Variants in KIFBP observed in about 807,000 individuals in gnomAD.
KIFBP encodes the protein kinesin family binding protein, also known as KIF-binding protein.
In KIFBP, 46 loss-of-function variants were observed where a neutral mutation model predicts 58.9. The observed-to-expected ratio is 0.78, with a 90% CI of 0.62 to 1.00. The LOEUF (loss-of-function observed/expected upper bound fraction) is 1.00. KIFBP is among the 50% of genes least tolerant of loss of function. The probability of loss-of-function intolerance (pLI) is 0.00; values close to 1 mark genes in which losing one functional copy is unlikely to be tolerated. For missense variants in KIFBP, 651 were observed against 752.9 expected (o/e 0.86, Z 1.58); for synonymous variants, 241 against 283.4 (o/e 0.85, Z 1.50).
rs1796362764 is a variant in KIFBP at position 68,990,298 on chromosome 10, AGTG to A, written c.426+1042_426+1044del. On this transcript the variant is annotated intron_variant, in intron 1 of 6. Transcript: ENST00000361983. ...TAATCCCAGCATTTTGGGAGGCCGAAGTGGGAGGATGGCGTGAGGTCAGTAGTT... is the reference window on the plus strand; with the variant it reads ...TAATCCCAGCATTTTGGGAGGCCGAAGGAGGATGGCGTGAGGTCAGTAGTT... Among the ~76,000 whole-genome samples, 3 of 152,166 alleles carry A rather than the reference AGTG, an allele frequency of 2.0e-5. No homozygotes were observed. The South Asian group carries it at 6.3e-4, about 32-fold the overall frequency.
intron 6 of KIFBP, 62 bp downstream of exon 6, chr10:69,011,077 T>C: frequency 9.0e-7 from 1 of 1,105,776 alleles, no homozygotes; most frequent in Admixed American, 1.7e-5. Context: ...TAAAAACTCA[T>C]AGTGGGGATT....
chr10:68,990,183 C>A (rs1254201791), intron 1 of KIFBP, among the ~76,000 whole-genome samples: 1 of 152,114 alleles, frequency 6.6e-6, no homozygotes, highest in African/African-American at 2.4e-5. Flanking sequence ...TCCCTCCTAC[C>A]TTTGAATTCT....
rs34786287 is a variant in KIFBP, at chr10:69,011,683, C to CTTTT, written c.990+694_990+697dup. 8.5e-4 allele frequency among the ~76,000 whole-genome samples: 36 copies of CTTTT among 42,532 alleles called. 4 individuals carry two copies. Among genetic ancestry groups the CTTTT allele is most frequent in the African/African-American group, 3.5e-3 (35 of 9,912 alleles). 27.9% of individuals were successfully genotyped at this position (42,532 alleles called of 152,430 possible). A position where few individuals can be genotyped will look rare whatever the true frequency, so the allele number is the denominator to read the frequency against. Reference sequence around the variant, plus strand: ...ACAGGTGTGAGCCACTGTGCCTAATCTTTTTTTTTTTTTTTTTTTTTTTTT... The same window carrying CTTTT: ...ACAGGTGTGAGCCACTGTGCCTAATCTTTTTTTTTTTTTTTTTTTTTTTTTTTTT... On this transcript the variant is annotated intron_variant, in intron 6 of 6. Coordinates refer to ENST00000361983, the MANE Select transcript of KIFBP (RefSeq NM_015634.4).
Position 68,993,923 on chromosome 10 carries a change from A to G in KIFBP, c.426+4665A>G, listed in dbSNP as rs566159144. Among the ~76,000 whole-genome samples the G allele has an allele frequency of 1.2e-4, 19 of 152,338 alleles. No individual in the cohort carries two copies. In the South Asian group the frequency reaches 2.7e-3, roughly 22 times the overall value. On this transcript the variant is annotated intron_variant, in intron 1 of 6. Transcript: ENST00000361983. ...TTTCTCAGTGAAAAGATTGGGAACT[A>G]TTCTATTTGGTGCTTTGTGAAAATA...
intron 1 of KIFBP, chr10:68,991,415 T>C: frequency 5.7e-6 from 2 of 349,624 alleles, no homozygotes; most frequent in South Asian, 2.8e-5. Flanking sequence ...GAATATTTCT[T>C]TCCTACAAAA....
rs769584821 is a variant in KIFBP at position 69,015,820 on chromosome 10, C to G, written c.1270C>G (p.Gln424Glu). 6.2e-6 allele frequency: 10 copies of G among 1,614,090 alleles called. No individual in the cohort carries two copies. The highest frequency in any genetic ancestry group is 6.8e-6 in the Non-Finnish European group (8 of 1,180,024). ...GYVTDHIEVV[Q>E]DHSALFKVLA... is the part of the protein sequence containing the mutation. ...TGTCACTGACCATATTGAAGTTGTC[C>G]AAGACCACAGTGCTCTGTTTAAGGT... The change falls in exon 7 of 7, where the codon CAA becomes GAA. Residue 424 changes from glutamine to glutamate, a missense_variant. Physicochemically the swap from Gln to Glu is conservative, Grantham distance 29. Coordinates refer to ENST00000361983, the MANE Select transcript of KIFBP (RefSeq NM_015634.4).
intron 2 of KIFBP, among the ~76,000 whole-genome samples, chr10:69,000,985 T>C (rs1843459737): frequency 6.6e-6 from 1 of 152,148 alleles, no homozygotes; most frequent in Non-Finnish European, 1.5e-5. Flanking sequence ...CAGGCTCTGA[T>C]TTAGTAGTTC....
chr10:68,989,273 GGCCAGGCCGGCCCCT>G lies in KIFBP; in HGVS notation c.426+17_426+31del, dbSNP rs2132104691. 6.2e-7 allele frequency: 1 copy of G among 1,611,048 alleles called. No individual in the cohort carries two copies. The highest frequency in any genetic ancestry group is 1.3e-5 in the African/African-American group (1 of 75,058). On this transcript the variant is annotated intron_variant, in intron 1 of 6. Coordinates refer to ENST00000361983, the MANE Select transcript of KIFBP (RefSeq NM_015634.4). The stretch of plus-strand genomic sequence containing the variant: ...TCCAGGCGCAGGTGAGAGCGAGCCC[GGCCAGGCCGGCCCCT>G]GTTGGCAAATGGCGAGGGATGGGGA...
chr10:69,009,253 A>T (rs1307488400), intron 5 of KIFBP, among the ~76,000 whole-genome samples: 3 of 152,172 alleles, frequency 2.0e-5, no homozygotes, highest in African/African-American at 7.2e-5. Flanking sequence ...CTGTAATGCT[A>T]GATTTTGGGA....
At chr10:68,996,169 AT>A (rs545553990) in intron 1 of KIFBP, among the ~76,000 whole-genome samples, 113 of 148,104 alleles carry the variant, frequency 7.6e-4, no homozygotes, top group African/African-American at 2.7e-3. Context: ...AAAAAAAAAA[AT>A]GGTAATAATA....
chr10:69,008,391 A>AAAATAT, intron 4 of KIFBP, among the ~76,000 whole-genome samples: 109 of 71,596 alleles, frequency 1.5e-3, no homozygotes, highest in Middle Eastern at 0.01. Flanking sequence ...AAAAAAAAAA[A>AAAATAT]ATATATATAT....
Position 69,008,824 on chromosome 10 carries a change from G to C in KIFBP, c.790-17G>C. The C allele has an allele frequency of 6.3e-7, 1 of 1,596,942 alleles. No individual in the cohort carries two copies. The highest frequency in any genetic ancestry group is 8.6e-7 in the Non-Finnish European group (1 of 1,164,604). ...CTGTGTGATAGTTGCATTCACTGTT[G>C]TTTATTTCCCCAATAGCTATGCTTT... On this transcript the variant is annotated splice_polypyrimidine_tract_variant and intron_variant, in intron 4 of 6. Coordinates refer to ENST00000361983, the MANE Select transcript of KIFBP (RefSeq NM_015634.4).
In KIFBP at chr10:69,005,082, C is replaced by A. The variant is rs771863463; in HGVS notation, c.562C>A (p.Leu188Ile). The change falls in exon 3 of 7, where the codon CTT (leucine) becomes ATT (isoleucine). Residue 188 changes from leucine (L) to isoleucine (I), a missense_variant. Leu to Ile is a conservative substitution (Grantham distance 5). Transcript: ENST00000361983. ...TCCTCTTGATCCTACTGAGCGTTTT[C>A]TTCCTGAAGAAGAGAAACTTACTGA... is the stretch of plus-strand genomic sequence containing the variant. ...SPPLDPTERF[L>I]PEEEKLTEQE... is the part of the protein sequence containing the mutation. 1 of 1,613,606 alleles carries A rather than the reference C, an allele frequency of 6.2e-7. No individual in the cohort carries two copies. The highest frequency in any genetic ancestry group is 8.5e-7 in the Non-Finnish European group (1 of 1,179,620).
In KIFBP at chr10:69,000,574, T is replaced by C. The variant is rs1411746966; in HGVS notation, c.525+52T>C. 5.4e-6 allele frequency: 6 copies of C among 1,119,610 alleles called. No individual in the cohort carries two copies. The South Asian group carries it at 6.2e-5, about 12-fold the overall frequency. 69.4% of individuals were successfully genotyped at this position (1,119,610 alleles called of 1,614,324 possible). A position where few individuals can be genotyped will look rare whatever the true frequency, so the allele number is the denominator to read the frequency against. On this transcript the variant is annotated intron_variant, in intron 2 of 6. Transcript: ENST00000361983. ...AGTTTTGATTGAAACTAGTTAAGAA[T>C]TGATAGTAAGAATCCCTCATTCGTA...
At chr10:69,004,519 A>G (rs1843510404) in intron 2 of KIFBP, among the ~76,000 whole-genome samples, 1 of 152,228 alleles carries the variant, frequency 6.6e-6, no homozygotes, top group Non-Finnish European at 1.5e-5. Flanking sequence ...TGGTTAAAAC[A>G]AATAAAAGGG....
intron 1 of KIFBP, among the ~76,000 whole-genome samples, chr10:69,000,023 C>A (rs1358894348): frequency 7.3e-6 from 1 of 136,184 alleles, no homozygotes; most frequent in Admixed American, 8.5e-5. Flanking sequence ...CCATCCTGGG[C>A]GACAGAGCGA....
chr10:69,013,498 A>C (rs1246391277), intron 6 of KIFBP, among the ~76,000 whole-genome samples: 1 of 152,150 alleles, frequency 6.6e-6, no homozygotes, highest in Non-Finnish European at 1.5e-5. Flanking sequence ...TATTGGAGCA[A>C]AACAGTAGGC....
chr10:68,989,266 C>T lies in KIFBP; in HGVS notation c.426+8C>T, dbSNP rs1381778441. On this transcript the variant is annotated splice_region_variant and intron_variant, in intron 1 of 6. Transcript: ENST00000361983. ...CTCTGCATCCAGGCGCAGGTGAGAG[C>T]GAGCCCGGCCAGGCCGGCCCCTGTT... 4 of 1,611,856 alleles carry T rather than the reference C, an allele frequency of 2.5e-6. No individual in the cohort carries two copies. Among genetic ancestry groups the T allele is most frequent in the Non-Finnish European group, 3.4e-6 (4 of 1,179,666 alleles).
chr10:69,011,683 CTTTTTTTTTTTTT>C (rs34786287), intron 6 of KIFBP, among the ~76,000 whole-genome samples: 9 of 42,532 alleles, frequency 2.1e-4, no homozygotes, highest in East Asian at 1.3e-3. Context: ...TGTGCCTAAT[CTTTTTTTTTTTTT>C]TTTTTTTTTT....
Sources: allele counts gnomAD v4.1 joint callset (sites outside exome capture counted in the v4.1 genomes callset), GRCh38; gene constraint gnomAD v4.1.1; transcripts MANE v1.5; gene names NCBI Gene and HGNC (gene_info 2026-07-23, HGNC 2026-07-21).